The following WDR72 variants were observed in gnomAD, a reference collection of about 807,000 sequenced individuals.
WDR72 encodes the protein WD repeat domain 72.
WDR72 carries 120 observed loss-of-function variants against 124.2 expected under a neutral mutation model. The observed-to-expected ratio is 0.97, with a 90% CI of 0.83 to 1.12. The LOEUF (loss-of-function observed/expected upper bound fraction) is 1.12. WDR72 is among the 50% of genes most tolerant of loss of function. The probability of loss-of-function intolerance (pLI) is 0.00; values close to 1 mark genes in which losing one functional copy is unlikely to be tolerated. For missense variants in WDR72, 1,387 were observed against 1,278.8 expected (o/e 1.08, Z -1.29); for synonymous variants, 452 against 441.7 (o/e 1.02, Z -0.29).
At chr15:53,711,005 G>GT (rs563562643) in intron 8 of WDR72, 52 bp from the exon 9 acceptor site, 70 of 1,489,264 alleles carry the variant, frequency 4.7e-5, no homozygotes, top group Non-Finnish European at 5.1e-5. Flanking sequence ...TTCTTTATTC[G>GT]TTTTTTTTCC....
intron 11 of WDR72, among the ~76,000 whole-genome samples, chr15:53,703,764 A>G (rs185680371): frequency 3.9e-5 from 6 of 152,168 alleles, no homozygotes; most frequent in Admixed American, 3.3e-4. Flanking sequence ...ACCATAAACC[A>G]CAAACTCTCT....
intron 14 of WDR72, among the ~76,000 whole-genome samples, chr15:53,618,070 A>C (rs2013840405): frequency 6.6e-6 from 1 of 151,984 alleles, no homozygotes; most frequent in South Asian, 2.1e-4. Flanking sequence ...TGGTAAATAA[A>C]TAATGTAAAT....
intron 18 of WDR72, among the ~76,000 whole-genome samples, chr15:53,565,440 G>A (rs778392375): frequency 2.0e-5 from 3 of 151,814 alleles, no homozygotes; most frequent in African/African-American, 4.8e-5. Flanking sequence ...AGCTTCTTGC[G>A]TGTCTTTCCA....
chr15:53,674,201 A>T (rs1023409438), intron 13 of WDR72, among the ~76,000 whole-genome samples: 2 of 152,172 alleles, frequency 1.3e-5, no homozygotes, highest in Admixed American at 6.5e-5. Context: ...AATATTTCAA[A>T]GTGACTCTCT....
chr15:53,591,694 ACACAC>A (rs1312184033), intron 18 of WDR72, among the ~76,000 whole-genome samples: 8 of 6,068 alleles, frequency 1.3e-3, no homozygotes, highest in African/African-American at 4.3e-3. Flanking sequence ...CAACACACAC[ACACAC>A]ACACACACAC....
chr15:53,527,045 C>G (rs1446758555), intron 18 of WDR72, among the ~76,000 whole-genome samples: 1 of 152,022 alleles, frequency 6.6e-6, no homozygotes, highest in African/African-American at 2.4e-5. Context: ...GGATGTGTTT[C>G]ACTATGGTGC....
intron 18 of WDR72, among the ~76,000 whole-genome samples, chr15:53,526,461 G>C (rs925663493): frequency 6.6e-6 from 1 of 152,006 alleles, no homozygotes; most frequent in Admixed American, 6.6e-5. Flanking sequence ...GCCTACTTTG[G>C]TATGTATTTT....
intron 1 of WDR72, among the ~76,000 whole-genome samples, chr15:53,753,933 T>G (rs1227579979): frequency 6.6e-6 from 1 of 152,164 alleles, no homozygotes; most frequent in Non-Finnish European, 1.5e-5. Flanking sequence ...ATTACATCCC[T>G]AGATTTGTAT....
At chr15:53,718,552 T>C (rs1421639434) in intron 3 of WDR72, among the ~76,000 whole-genome samples, 1 of 152,046 alleles carries the variant, frequency 6.6e-6, no homozygotes, top group Non-Finnish European at 1.5e-5. Flanking sequence ...TTTTGCTTAA[T>C]AAAAGAAAGC....
intron 18 of WDR72, among the ~76,000 whole-genome samples, chr15:53,533,925 G>A (rs1431571730): frequency 6.6e-6 from 1 of 151,856 alleles, no homozygotes; most frequent in East Asian, 1.9e-4. Flanking sequence ...CACTTTATTT[G>A]GCCTGTGTTA....
At chr15:53,681,498 G>A (rs768633173) in intron 13 of WDR72, among the ~76,000 whole-genome samples, 12 of 152,054 alleles carry the variant, frequency 7.9e-5, no homozygotes, top group Non-Finnish European at 1.5e-4. Flanking sequence ...AAACTACTCA[G>A]CCAGAACTCA....
At chr15:53,575,671 T>G (rs1045102183) in intron 18 of WDR72, among the ~76,000 whole-genome samples, 2 of 152,156 alleles carry the variant, frequency 1.3e-5, no homozygotes, top group Non-Finnish European at 2.9e-5. Flanking sequence ...TGCATAGTTA[T>G]TAGAAAGATT....
chr15:53,586,328 T>C (rs963782203), intron 18 of WDR72, among the ~76,000 whole-genome samples: 9 of 152,168 alleles, frequency 5.9e-5, no homozygotes, highest in Middle Eastern at 3.4e-3. Flanking sequence ...TAATGGACTA[T>C]TGGACTTTAA....
At chr15:53,579,893 G>T (rs542248097) in intron 18 of WDR72, among the ~76,000 whole-genome samples, 2 of 152,136 alleles carry the variant, frequency 1.3e-5, no homozygotes, top group Admixed American at 6.6e-5. Flanking sequence ...AACAGCTGGA[G>T]TAAGTCTAGT....
At chr15:53,590,545 A>G (rs1044900936) in intron 18 of WDR72, among the ~76,000 whole-genome samples, 2 of 151,994 alleles carry the variant, frequency 1.3e-5, no homozygotes, top group Non-Finnish European at 2.9e-5. Flanking sequence ...ATTTTTCTGT[A>G]ACTGTCATAC....
intron 13 of WDR72, among the ~76,000 whole-genome samples, chr15:53,673,514 G>A (rs1484202992): frequency 2.0e-5 from 3 of 152,142 alleles, no homozygotes; most frequent in Non-Finnish European, 4.4e-5. Flanking sequence ...TCTTTCCAAA[G>A]AAGAACAGTG....
upstream of WDR72, among the ~76,000 whole-genome samples, chr15:53,760,223 A>G (rs993382012): frequency 3.3e-5 from 5 of 151,996 alleles, no homozygotes; most frequent in African/African-American, 1.2e-4. Flanking sequence ...TTATATTATT[A>G]TTGACTATAT....
intron 16 of WDR72, among the ~76,000 whole-genome samples, chr15:53,613,142 G>A (rs2013615555): frequency 6.6e-6 from 1 of 152,096 alleles, no homozygotes; most frequent in Admixed American, 6.6e-5. Flanking sequence ...AGGTTTGGGA[G>A]ATACATTTGC....
At chr15:53,581,787 G>A (rs72745160) in intron 18 of WDR72, among the ~76,000 whole-genome samples, 3,505 of 152,092 alleles carry the variant, frequency 0.023, 70 homozygotes, top group Non-Finnish European at 0.034. Context: ...GAAAATTTTG[G>A]AGCTTGTGAT....
Sources: gnomAD v4.1 joint callset for allele counts (sites outside exome capture counted in the v4.1 genomes callset) on GRCh38, gnomAD v4.1.1 for gene constraint, MANE v1.5 for transcripts, NCBI Gene and HGNC (gene_info 2026-07-23, HGNC 2026-07-21) for gene names.